Variants in RRM2 observed in about 807,000 individuals in gnomAD.
RRM2 encodes the protein ribonucleotide reductase regulatory subunit M2, also known as ribonucleoside-diphosphate reductase subunit M2.
A neutral mutation model predicts 45.9 loss-of-function variants in RRM2; 6 were observed. The observed-to-expected ratio is 0.13, with a 90% CI of 0.07 to 0.26. RRM2 has a LOEUF of 0.26. RRM2 is among the 10% of genes least tolerant of loss of function. RRM2 has a pLI of 1.00. For synonymous variants in RRM2, 177 were observed against 173.0 expected, an observed-to-expected ratio of 1.02 and a Z score of -0.18; for missense variants, 343 against 489.5, an observed-to-expected ratio of 0.70 and a Z score of 2.82.
chr2:10,147,768 A>G (rs1292493681), intron 3 of RRM2, among the ~76,000 whole-genome samples: 1 of 151,944 alleles, frequency 6.6e-6, no homozygotes, highest in Non-Finnish European at 1.5e-5. Context: ...TATATTTCTT[A>G]GTGTTTGTCT....
At chr2:10,158,285 G>C (rs1470783774) in intron 3 of RRM2, among the ~76,000 whole-genome samples, 2 of 152,182 alleles carry the variant, frequency 1.3e-5, no homozygotes, top group South Asian at 2.1e-4. Flanking sequence ...GCGGTCAGCA[G>C]TTCTGGCACA....
At chr2:10,190,181 TATG>T (rs1468585995) in intron 3 of RRM2, among the ~76,000 whole-genome samples, 3 of 73,052 alleles carry the variant, frequency 4.1e-5, no homozygotes, top group Non-Finnish European at 8.7e-5. Flanking sequence ...TGGTGATGGT[TATG>T]ATGGTGGTGG....
chr2:10,196,852 C>T (rs576041516), intron 3 of RRM2, among the ~76,000 whole-genome samples: 227 of 152,324 alleles, frequency 1.5e-3, no homozygotes, highest in African/African-American at 5.2e-3. Context: ...GCTGGGGTCC[C>T]CTGCCCCCTG....
intron 3 of RRM2, among the ~76,000 whole-genome samples, chr2:10,147,500 C>A (rs947252740): frequency 6.6e-6 from 1 of 151,218 alleles, no homozygotes; most frequent in African/African-American, 2.4e-5. Context: ...AGGCAACAAG[C>A]AAATCTGCCC....
At chr2:10,189,519 C>T (rs368819962) in intron 3 of RRM2, among the ~76,000 whole-genome samples, 5 of 152,248 alleles carry the variant, frequency 3.3e-5, no homozygotes, top group Admixed American at 2.6e-4. Flanking sequence ...CAGCAGCCTG[C>T]CCCTTGCTGG....
At chr2:10,150,480 G>A (rs1163648176) in intron 3 of RRM2, among the ~76,000 whole-genome samples, 2 of 147,062 alleles carry the variant, frequency 1.4e-5, no homozygotes, top group African/African-American at 5.0e-5. Flanking sequence ...TTTGCATCCT[G>A]TTTCTCTTTC....
chr2:10,207,423 C>G (rs112531890), intron 3 of RRM2, among the ~76,000 whole-genome samples: 2,918 of 152,226 alleles, frequency 0.019, 26 homozygotes, highest in Middle Eastern at 0.054. Flanking sequence ...TAGTCTCCCC[C>G]CTGTTTAAAA....
At chr2:10,133,954 G>A (rs1173435270), downstream of RRM2, among the ~76,000 whole-genome samples, 1 of 151,808 alleles carries the variant, frequency 6.6e-6, no homozygotes, top group African/African-American at 2.4e-5. Flanking sequence ...TGAGGTGGGC[G>A]GATCACCTGA....
intron 2 of RRM2, 51 bp from the exon 3 acceptor site, chr2:10,123,336 G>C: frequency 5.8e-6 from 9 of 1,554,196 alleles, no homozygotes; most frequent in Non-Finnish European, 7.8e-6. Context: ...AAAAACGTTA[G>C]TTTCATATGG....
exon 2 of RRM2, chr2:10,141,897 C>G (rs942186360): frequency 1.3e-6 from 2 of 1,574,262 alleles, no homozygotes; most frequent in Non-Finnish European, 1.7e-6. Context: ...AGTCCAGGCC[C>G]TCGGGGAGAC....
At chr2:10,200,094 A>G (rs1010560915) in intron 3 of RRM2, among the ~76,000 whole-genome samples, 3 of 152,234 alleles carry the variant, frequency 2.0e-5, no homozygotes, top group Non-Finnish European at 2.9e-5. Context: ...CAGCCTCCCA[A>G]AGTGCTGGGA....
chr2:10,178,020 C>T (rs1663967296), intron 3 of RRM2, among the ~76,000 whole-genome samples: 1 of 151,454 alleles, frequency 6.6e-6, no homozygotes, highest in Non-Finnish European at 1.5e-5. Context: ...CTCCCAGGTT[C>T]ACGCCATTCT....
chr2:10,200,711 C>T lies in RRM2; in HGVS notation n.483-9600C>T, dbSNP rs188341775. Among the ~76,000 whole-genome samples, 4 of 139,518 alleles carry T rather than the reference C, an allele frequency of 2.9e-5. 1 individual carries two copies. Among genetic ancestry groups the T allele is most frequent in the East Asian group, 2.0e-4 (1 of 4,910 alleles). 91.5% of individuals were successfully genotyped at this position (139,518 alleles called of 152,430 possible). A position where few individuals can be genotyped will look rare whatever the true frequency, so the allele number is the denominator to read the frequency against. Reference sequence around the variant, plus strand: ...CAAATTATGAGTCCCACGGGGACCGCGCACACAAAATATGAGGCCCGCCAT... The same window carrying T: ...CAAATTATGAGTCCCACGGGGACCGTGCACACAAAATATGAGGCCCGCCAT... On this transcript the variant is annotated intron_variant and non_coding_transcript_variant, in intron 3 of 3. Transcript: ENST00000381786.
Position 10,195,592 on chromosome 2 carries a change from C to T in RRM2, n.483-14719C>T, listed in dbSNP as rs574407721. Among the ~76,000 whole-genome samples, 1 of 152,286 alleles carries T rather than the reference C, an allele frequency of 6.6e-6. No individual in the cohort carries two copies. Among genetic ancestry groups the T allele is most frequent in the African/African-American group, 2.4e-5 (1 of 41,562 alleles). The stretch of plus-strand genomic sequence containing the variant: ...CCCAGGCAAAGTGAGCCGCGTTTAC[C>T]TGGAGACCAAGGGTGGGAAGCGAGG... On this transcript the variant is annotated intron_variant and non_coding_transcript_variant, in intron 3 of 3. Transcript: ENST00000381786. This position sits in a 1 kb window ranked among gnomAD's most constrained non-coding sequence, Gnocchi z 4.9.
At chr2:10,142,483 G>A (rs1020829542) in intron 3 of RRM2, 7 of 1,144,610 alleles carry the variant, frequency 6.1e-6, no homozygotes, top group Admixed American at 2.1e-5. Flanking sequence ...GGGCCCCCAC[G>A]CACCCCTGCC....
Position 10,200,461 on chromosome 2 carries a change from C to T in RRM2, n.483-9850C>T, listed in dbSNP as rs534523115. ...CGCAAAATATGAGGCCCACAGGGAC[C>T]GCGCGCGCAAAATATGAGGCCCACA... On this transcript the variant is annotated intron_variant and non_coding_transcript_variant, in intron 3 of 3. Transcript: ENST00000381786. Among the ~76,000 whole-genome samples, 525 of 73,768 alleles carry T rather than the reference C, an allele frequency of 7.1e-3. 13 individuals carry two copies. The highest frequency in any genetic ancestry group is 0.014 in the Middle Eastern group (2 of 138). The allele number at this position is 73,768 out of a possible 152,430, so 48.4% of individuals were successfully genotyped here. A position where few individuals can be genotyped will look rare whatever the true frequency, so the allele number is the denominator to read the frequency against.
chr2:10,164,098 G>A (rs903754623), intron 3 of RRM2, among the ~76,000 whole-genome samples: 7 of 152,092 alleles, frequency 4.6e-5, no homozygotes, highest in Admixed American at 3.9e-4. Flanking sequence ...GAGTGTGTGT[G>A]TGTGGCTGTG....
In RRM2 at chr2:10,185,693, G is replaced by A. The variant is rs1448033231; in HGVS notation, n.483-24618G>A. On this transcript the variant is annotated intron_variant and non_coding_transcript_variant, in intron 3 of 3. Coordinates refer to the RRM2 transcript ENST00000381786. The surrounding 1 kb of genome is among the most constrained non-coding windows in gnomAD (Gnocchi z 4.3). Reference sequence around the variant, plus strand: ...ATTCTTACAAATGTATATTTTTTGTGCCCCTGTGTCTCCCCTTCCTTGCCT... The same window carrying A: ...ATTCTTACAAATGTATATTTTTTGTACCCCTGTGTCTCCCCTTCCTTGCCT... Among the ~76,000 whole-genome samples, 18 of 152,020 alleles carry A rather than the reference G, an allele frequency of 1.2e-4. No individual in the cohort carries two copies. Among genetic ancestry groups the A allele is most frequent in the Non-Finnish European group, 2.4e-4 (16 of 67,998 alleles).
At chr2:10,193,449 C>T (rs1293255900) in intron 3 of RRM2, among the ~76,000 whole-genome samples, 3 of 152,220 alleles carry the variant, frequency 2.0e-5, no homozygotes, top group African/African-American at 7.2e-5. Context: ...TGCCGGGTGC[C>T]TCAGTGTCCC....
Sources: gnomAD v4.1 joint callset for allele counts (sites outside exome capture counted in the v4.1 genomes callset) on GRCh38, gnomAD v4.1.1 for gene constraint, Gnocchi (gnomAD v3.1) non-coding constraint, MANE v1.5 for transcripts, NCBI Gene and HGNC (gene_info 2026-07-23, HGNC 2026-07-21) for gene names.